LGI1: variants seen among roughly 807,000 people sequenced by gnomAD.
LGI1 encodes the protein leucine rich glioma inactivated 1.
A neutral mutation model predicts 57.7 loss-of-function variants in LGI1; 11 were observed. The ratio of observed to expected loss-of-function variants is 0.19; its 90% CI spans 0.12 to 0.32. LGI1 has a LOEUF of 0.32. Among genes scored for constraint, LGI1 ranks in the 10% least tolerant of loss-of-function variants. The probability of loss-of-function intolerance (pLI) is 1.00; values close to 1 mark genes in which losing one functional copy is unlikely to be tolerated. For missense variants in LGI1, 422 were observed against 661.9 expected (o/e 0.64, Z 3.98); for synonymous variants, 222 against 241.9 (o/e 0.92, Z 0.76).
At chr10:93,790,965 A>T (rs1564850741) in intron 5 of LGI1, 1 of 152,224 alleles carries the variant, frequency 6.6e-6, no homozygotes, top group Non-Finnish European at 1.5e-5. Context: ...TTTTTTAAAA[A>T]ATTATTCAGG....
At chr10:93,796,613 G>A (rs2059982028) in intron 7 of LGI1, among the ~76,000 whole-genome samples, 1 of 152,218 alleles carries the variant, frequency 6.6e-6, no homozygotes, top group Non-Finnish European at 1.5e-5. Flanking sequence ...TCAGTAAACA[G>A]TAGTTTTCAT....
chr10:93,783,829 T>C (rs1252534765), intron 4 of LGI1, among the ~76,000 whole-genome samples: 2 of 152,042 alleles, frequency 1.3e-5, no homozygotes, highest in African/African-American at 4.8e-5. Flanking sequence ...CTGGCCAACA[T>C]GGTGAAACCC....
At chr10:93,790,339 G>C (rs987341978) in intron 5 of LGI1, 169 bp downstream of exon 5, 2 of 620,928 alleles carry the variant, frequency 3.2e-6, no homozygotes, top group Non-Finnish European at 2.8e-6. Flanking sequence ...TAACATTTGA[G>C]TCTTCTATGG....
chr10:93,775,236 T>C (rs2059782076), intron 2 of LGI1, among the ~76,000 whole-genome samples: 1 of 152,198 alleles, frequency 6.6e-6, no homozygotes, highest in African/African-American at 2.4e-5. Flanking sequence ...TTCCAATTAC[T>C]CCTTGCCTCC....
intron 2 of LGI1, among the ~76,000 whole-genome samples, chr10:93,761,445 A>C (rs1007491655): frequency 2.0e-5 from 3 of 152,232 alleles, no homozygotes; most frequent in African/African-American, 7.2e-5. Flanking sequence ...ATTGTTGGGA[A>C]GGGTTAAAGC....
chr10:93,778,635 G>C (rs561292931), intron 4 of LGI1: 48 of 152,264 alleles, frequency 3.2e-4, no homozygotes, highest in African/African-American at 1.1e-3. Flanking sequence ...CTTAATTGTT[G>C]AATTGCAGTG....
chr10:93,790,399 C>CA, intron 5 of LGI1: 2 of 542,486 alleles, frequency 3.7e-6, no homozygotes, highest in Non-Finnish European at 3.2e-6. Flanking sequence ...ATTCCTTTGA[C>CA]AAAGTGTGTG....
chr10:93,795,773 G>T (rs146616282), intron 7 of LGI1, among the ~76,000 whole-genome samples: 1 of 152,190 alleles, frequency 6.6e-6, no homozygotes. Flanking sequence ...GAATCTGGTG[G>T]CCATCCTTAA....
At chr10:93,764,582 C>T (rs1301892921) in intron 2 of LGI1, 1 of 152,152 alleles carries the variant, frequency 6.6e-6, no homozygotes, top group Admixed American at 6.5e-5. Context: ...GCAGACAACA[C>T]AGACTTGTGG....
At chr10:93,768,651 G>C (rs1683494539) in intron 2 of LGI1, 2 of 152,082 alleles carry the variant, frequency 1.3e-5, no homozygotes. Context: ...TACCAAAAGG[G>C]GGTTACCACT....
At chr10:93,781,823 T>A (rs2059850172) in intron 4 of LGI1, among the ~76,000 whole-genome samples, 1 of 152,222 alleles carries the variant, frequency 6.6e-6, no homozygotes, top group African/African-American at 2.4e-5. Context: ...TCACTGTGGC[T>A]AAGGCCCAGT....
At chr10:93,764,357 A>T (rs2059652808) in intron 2 of LGI1, 1 of 152,136 alleles carries the variant, frequency 6.6e-6, no homozygotes, top group African/African-American at 2.4e-5. Flanking sequence ...AAGTGCTGGG[A>T]TTATGGGTAT....
intron 2 of LGI1, among the ~76,000 whole-genome samples, chr10:93,766,630 G>A (rs369394135): frequency 6.7e-5 from 10 of 149,276 alleles, no homozygotes; most frequent in Non-Finnish European, 1.5e-4. Flanking sequence ...TCAGCCTCCC[G>A]AGTAGCTGGG....
chr10:93,793,358 A>G lies in LGI1; in HGVS notation c.838+8A>G, dbSNP rs748409467. On this transcript the variant is annotated splice_region_variant and intron_variant, in intron 7 of 7. Coordinates refer to ENST00000371418, the MANE Select transcript of LGI1 (RefSeq NM_005097.4). The stretch of plus-strand genomic sequence containing the variant: ...ATTATGACAACATTACAGGTATGAA[A>G]AGCCTAATGATATTTTGAGTGGTAA... 7 of 1,612,342 alleles carry G rather than the reference A, an allele frequency of 4.3e-6. No homozygotes were observed. Among genetic ancestry groups the G allele is most frequent in the South Asian group, 2.2e-5 (2 of 91,056 alleles).
At chr10:93,767,608 G>A (rs539930396) in intron 2 of LGI1, 2 of 152,256 alleles carry the variant, frequency 1.3e-5, no homozygotes, top group South Asian at 2.1e-4. Context: ...CAAAGGATAC[G>A]CAGGTGGAAA....
chr10:93,797,967 TC>T lies in LGI1; in HGVS notation c.*166del. On this transcript the variant is annotated 3_prime_UTR_variant, in exon 8 of 8. Coordinates refer to ENST00000371418, the MANE Select transcript of LGI1 (RefSeq NM_005097.4). The surrounding 1 kb of genome is among the most constrained non-coding windows in gnomAD (Gnocchi z 6.5). ...AGTATCTCCATCCTTAACTGTCCAG[TC>T]CAGTGATGTGGGAAGTTACCTTTTA... 1.5e-6 allele frequency: 1 copy of T among 662,402 alleles called. No homozygotes were observed. The highest frequency in any genetic ancestry group is 2.7e-6 in the Non-Finnish European group (1 of 368,440). 41.0% of individuals were successfully genotyped at this position (662,402 alleles called of 1,614,324 possible).
chr10:93,778,345 TCACACACACACACACACACACA>T (rs60017902), intron 4 of LGI1, among the ~76,000 whole-genome samples: 1 of 148,644 alleles, frequency 6.7e-6, no homozygotes, highest in Non-Finnish European at 1.5e-5. Context: ...ACAAACACAT[TCACACACACACACACACACACA>T]CACACACACA....
intron 2 of LGI1, among the ~76,000 whole-genome samples, chr10:93,760,630 G>T (rs2059612727): frequency 6.6e-6 from 1 of 152,162 alleles, no homozygotes; most frequent in African/African-American, 2.4e-5. Context: ...CTTTGTTTTT[G>T]TTGGGTGGAC....
chr10:93,792,566 T>C (rs1276219351), intron 5 of LGI1, 177 bp from the exon 6 acceptor site: 14 of 681,634 alleles, frequency 2.1e-5, no homozygotes, highest in Non-Finnish European at 3.5e-5. Flanking sequence ...CAAGTGTGCA[T>C]GGTGCTAACT....
Sources: gnomAD v4.1 joint callset for allele counts (sites outside exome capture counted in the v4.1 genomes callset) on GRCh38, gnomAD v4.1.1 for gene constraint, Gnocchi (gnomAD v3.1) non-coding constraint, MANE v1.5 for transcripts, NCBI Gene and HGNC (gene_info 2026-07-23, HGNC 2026-07-21) for gene names.